Variants in ADGRB3 observed in about 807,000 individuals in gnomAD.
The protein encoded by ADGRB3 is adhesion G protein-coupled receptor B3, also known as brain-specific angiogenesis inhibitor 3.
A neutral mutation model predicts 193.4 loss-of-function variants in ADGRB3; 37 were observed. That is an observed-to-expected ratio of 0.19 (90% confidence interval 0.15 to 0.25). The LOEUF is 0.25. Among genes scored for constraint, ADGRB3 ranks in the 10% least tolerant of loss-of-function variants. The pLI is 1.00. For missense variants in ADGRB3, 1,637 were observed against 1,852.9 expected (o/e 0.88, Z 2.14); for synonymous variants, 690 against 644.2 (o/e 1.07, Z -1.08).
chr6:69,163,401 C>G (rs1386276944), intron 17 of ADGRB3, among the ~76,000 whole-genome samples: 5 of 151,942 alleles, frequency 3.3e-5, no homozygotes, highest in Non-Finnish European at 7.4e-5. Context: ...CCTATATTAC[C>G]ATGGGACAAA....
rs540616428 is a variant in ADGRB3 at position 68,805,532 on chromosome 6, A to G, written c.758-125027A>G. On this transcript the variant is annotated intron_variant, in intron 3 of 31. Coordinates refer to ENST00000370598, the MANE Select transcript of ADGRB3 (RefSeq NM_001704.3). ...ACCTTAATCCATAAAAGAATCTCCT[A>G]TCTCTCAAAGGAAATTCTGGTATTC... is the stretch of plus-strand genomic sequence containing the variant. 3.9e-5 allele frequency among the ~76,000 whole-genome samples: 6 copies of G among 152,266 alleles called. 1 individual carries two copies. The South Asian group carries it at 1.2e-3, about 32-fold the overall frequency.
chr6:68,911,653 C>G (rs1044990305), intron 3 of ADGRB3, among the ~76,000 whole-genome samples: 2 of 152,164 alleles, frequency 1.3e-5, no homozygotes, highest in African/African-American at 4.8e-5. Context: ...GGACGTGAAA[C>G]TTAACATTTA....
intron 20 of ADGRB3, among the ~76,000 whole-genome samples, chr6:69,245,532 T>G (rs1766480711): frequency 6.6e-6 from 1 of 152,122 alleles, no homozygotes; most frequent in Non-Finnish European, 1.5e-5. Flanking sequence ...CTCTCCATAC[T>G]GTTTCTATTT....
intron 20 of ADGRB3, among the ~76,000 whole-genome samples, chr6:69,273,580 AG>A (rs1767227563): frequency 6.6e-6 from 1 of 152,224 alleles, no homozygotes; most frequent in Admixed American, 6.5e-5. Context: ...AAGAATCAAA[AG>A]CACTTTCATC....
intron 3 of ADGRB3, among the ~76,000 whole-genome samples, chr6:68,860,413 T>G (rs919900357): frequency 5.3e-5 from 8 of 152,246 alleles, no homozygotes; most frequent in Middle Eastern, 6.8e-3. Flanking sequence ...GGAGCCCCAG[T>G]GTATATTACT....
chr6:68,816,451 C>G (rs1310878624), intron 3 of ADGRB3, among the ~76,000 whole-genome samples: 1 of 151,888 alleles, frequency 6.6e-6, no homozygotes, highest in African/African-American at 2.4e-5. Context: ...TTAATGACAA[C>G]TAGATTAAAG....
intron 3 of ADGRB3, among the ~76,000 whole-genome samples, chr6:68,674,914 A>G (rs906936415): frequency 2.6e-5 from 4 of 152,202 alleles, no homozygotes; most frequent in Admixed American, 6.5e-5. Flanking sequence ...CTCAGCGTTC[A>G]TAGGTTCTAC....
At chr6:68,718,448 C>T (rs1042197572) in intron 3 of ADGRB3, among the ~76,000 whole-genome samples, 1 of 151,788 alleles carries the variant, frequency 6.6e-6, no homozygotes, top group Non-Finnish European at 1.5e-5. Context: ...CTCCTACTAA[C>T]ATATGTTCTA....
chr6:68,929,221 A>G (rs1476710292), intron 3 of ADGRB3, among the ~76,000 whole-genome samples: 1 of 152,194 alleles, frequency 6.6e-6, no homozygotes, highest in Non-Finnish European at 1.5e-5. Flanking sequence ...TTTAAAATAT[A>G]TTACATAGAA....
intron 20 of ADGRB3, among the ~76,000 whole-genome samples, chr6:69,303,233 G>A (rs113799772): frequency 0.026 from 3,988 of 151,786 alleles, 82 homozygotes; most frequent in Non-Finnish European, 0.041. Flanking sequence ...TGAAACTAAA[G>A]CAAATGGTGG....
intron 8 of ADGRB3, among the ~76,000 whole-genome samples, chr6:68,967,081 C>A (rs571545591): frequency 6.6e-6 from 1 of 152,264 alleles, no homozygotes; most frequent in East Asian, 1.9e-4. Flanking sequence ...AAACCCTGGA[C>A]CAGTTTGCAC....
intron 3 of ADGRB3, among the ~76,000 whole-genome samples, chr6:68,814,876 C>T (rs546808300): frequency 1.1e-4 from 16 of 152,166 alleles, no homozygotes; most frequent in South Asian, 2.1e-4. Context: ...TCAGAACCAA[C>T]GACAAAAACC....
chr6:68,854,070 C>G (rs1278677298), intron 3 of ADGRB3, among the ~76,000 whole-genome samples: 5 of 152,128 alleles, frequency 3.3e-5, no homozygotes, highest in Non-Finnish European at 5.9e-5. Context: ...TACCTCCTAT[C>G]CAGACACAGT....
At chr6:68,839,794 G>A (rs568264449) in intron 3 of ADGRB3, among the ~76,000 whole-genome samples, 1 of 152,146 alleles carries the variant, frequency 6.6e-6, no homozygotes, top group East Asian at 1.9e-4. Context: ...ACTGAAAAAG[G>A]CACTGAAGAC....
At position 69,322,759 on chromosome 6, in the gene ADGRB3, T is replaced by G. The variant is rs575505823; in HGVS notation, c.2815-2113T>G. On this transcript the variant is annotated intron_variant, in intron 20 of 31. Transcript: ENST00000370598. ...TTTATATATGGTTAGTTTTGCGACT[T>G]AAACCTCTTTAGTCCACATGTACAC... is the stretch of plus-strand genomic sequence containing the variant. 3.3e-5 allele frequency among the ~76,000 whole-genome samples: 5 copies of G among 152,082 alleles called. No homozygotes were observed. The South Asian group carries it at 6.2e-4, about 19-fold the overall frequency.
intron 3 of ADGRB3, among the ~76,000 whole-genome samples, chr6:68,766,280 A>T (rs2127353688): frequency 6.6e-6 from 1 of 151,832 alleles, no homozygotes; most frequent in Admixed American, 6.6e-5. Flanking sequence ...TCAATGTTGC[A>T]TGTTTTCTAC....
intron 20 of ADGRB3, among the ~76,000 whole-genome samples, chr6:69,323,473 G>A (rs1038861148): frequency 4.6e-5 from 7 of 152,032 alleles, no homozygotes; most frequent in African/African-American, 1.7e-4. Flanking sequence ...CCTGAGACTA[G>A]AGTATAGGTA....
rs563803934 is a variant in ADGRB3, at chr6:68,964,056, G to A, written c.1525+7247G>A. Among the ~76,000 whole-genome samples, 4 of 152,172 alleles carry A rather than the reference G, an allele frequency of 2.6e-5. No individual in the cohort carries two copies. The South Asian group carries it at 8.3e-4, about 32-fold the overall frequency. On this transcript the variant is annotated intron_variant, in intron 8 of 31. Transcript: ENST00000370598. ...ATAAAAAGTTTGCAATGACTCTGAT[G>A]TTAGTGTCTTACATTTCATGGCCTT...
intron 20 of ADGRB3, among the ~76,000 whole-genome samples, chr6:69,282,016 A>C (rs1443954245): frequency 2.0e-5 from 3 of 152,054 alleles, no homozygotes; most frequent in Non-Finnish European, 4.4e-5. Flanking sequence ...CAGGCTCATA[A>C]AGATAAAAGT....
Sources: gnomAD v4.1 joint callset for allele counts (sites outside exome capture counted in the v4.1 genomes callset) on GRCh38, gnomAD v4.1.1 for gene constraint, MANE v1.5 for transcripts, NCBI Gene and HGNC (gene_info 2026-07-23, HGNC 2026-07-21) for gene names.